The following DLG1 variants were observed in gnomAD, a reference collection of about 807,000 sequenced individuals.
DLG1 encodes the protein disks large homolog 1.
Under a neutral mutation model 123.4 loss-of-function variants are expected in DLG1, and 42 were observed. The ratio of observed to expected loss-of-function variants is 0.34; its 90% confidence interval spans 0.27 to 0.44. The LOEUF (loss-of-function observed/expected upper bound fraction) is 0.44, where lower values mean the gene tolerates loss of function less well. DLG1 is among the 20% of genes least tolerant of loss of function. DLG1 has a pLI of 1.00. For synonymous variants in DLG1, 317 were observed against 356.2 expected (o/e 0.89, Z 1.24); for missense variants, 942 against 1,082.6 (o/e 0.87, Z 1.82).
intron 14 of DLG1, among the ~76,000 whole-genome samples, chr3:197,094,934 T>C (rs1043601881): frequency 6.6e-6 from 1 of 152,186 alleles, no homozygotes; most frequent in Non-Finnish European, 1.5e-5. Flanking sequence ...ATCCTAATCA[T>C]TTTATTATGG....
At chr3:197,181,936 T>G (rs563595323) in intron 5 of DLG1, among the ~76,000 whole-genome samples, 1 of 152,310 alleles carries the variant, frequency 6.6e-6, no homozygotes, top group African/African-American at 2.4e-5. Context: ...ATGACTCTCT[T>G]CTGGCGCAAT....
In DLG1 at chr3:197,044,569, G is replaced by C. The variant is rs1439168464; in HGVS notation, c.*54C>G. The C allele has an allele frequency of 3.9e-6, 5 of 1,270,058 alleles. No individual in the cohort carries two copies. The highest frequency in any genetic ancestry group is 3.0e-5 in the African/African-American group (2 of 67,590). The allele number at this position is 1,270,058 out of a possible 1,614,324, so 78.7% of individuals were successfully genotyped here. A position where few individuals can be genotyped will look rare whatever the true frequency, so the allele number is the denominator to read the frequency against. On this transcript the variant is annotated 3_prime_UTR_variant, in exon 25 of 25. Transcript: ENST00000667157. ...GAAAGACTCCAGAGGAAAGGGCAAA[G>C]AGATGCCAAAGAAAATGGAATTGTG... is the stretch of plus-strand genomic sequence containing the variant.
At chr3:197,054,274 G>A (rs752792454) in intron 23 of DLG1, among the ~76,000 whole-genome samples, 20 of 152,002 alleles carry the variant, frequency 1.3e-4, no homozygotes, top group Non-Finnish European at 2.6e-4. Flanking sequence ...TTATATTCAC[G>A]TCTTTCATCA....
At chr3:197,140,753 G>A (rs1298956111) in intron 7 of DLG1, among the ~76,000 whole-genome samples, 2 of 152,170 alleles carry the variant, frequency 1.3e-5, no homozygotes, top group Non-Finnish European at 2.9e-5. Context: ...CTTGACATCA[G>A]CTTATTTTTA....
At chr3:197,073,895 T>G (rs182333115) in intron 18 of DLG1, among the ~76,000 whole-genome samples, 26 of 152,286 alleles carry the variant, frequency 1.7e-4, no homozygotes, top group Non-Finnish European at 2.9e-4. Flanking sequence ...GGGTTCTTTT[T>G]GAGTTTTGTT....
chr3:197,200,160 T>C (rs1724860403), intron 4 of DLG1, among the ~76,000 whole-genome samples: 2 of 152,162 alleles, frequency 1.3e-5, no homozygotes, highest in Admixed American at 1.3e-4. Flanking sequence ...TGCAGATTCC[T>C]GAATCTATTA....
chr3:197,139,619 T>C (rs1460832300), intron 8 of DLG1, among the ~76,000 whole-genome samples: 2 of 152,242 alleles, frequency 1.3e-5, no homozygotes, highest in African/African-American at 2.4e-5. Context: ...TATTTTCATC[T>C]AGTCAATAAG....
At chr3:197,251,803 C>T (rs537930180) in intron 4 of DLG1, among the ~76,000 whole-genome samples, 2 of 152,218 alleles carry the variant, frequency 1.3e-5, no homozygotes, top group East Asian at 3.9e-4. Flanking sequence ...ATATTAAGAG[C>T]TTAAACAACT....
At chr3:197,251,635 C>T (rs1313000555) in intron 4 of DLG1, among the ~76,000 whole-genome samples, 1 of 151,894 alleles carries the variant, frequency 6.6e-6, no homozygotes, top group Non-Finnish European at 1.5e-5. Context: ...ACCTCAAAAC[C>T]ACAGGCAACC....
chr3:197,101,011 G>A (rs1430855681), intron 14 of DLG1, among the ~76,000 whole-genome samples: 1 of 151,992 alleles, frequency 6.6e-6, no homozygotes, highest in Non-Finnish European at 1.5e-5. Context: ...AGGTGTACAA[G>A]CTTTTAACTT....
chr3:197,147,466 ACAC>A (rs953146662), intron 6 of DLG1, among the ~76,000 whole-genome samples: 23 of 132,520 alleles, frequency 1.7e-4, no homozygotes, highest in African/African-American at 4.5e-4. Context: ...ACACACACAC[ACAC>A]ACCATGGAAT....
At chr3:197,061,770 A>G (rs1736005355) in intron 22 of DLG1, among the ~76,000 whole-genome samples, 1 of 152,022 alleles carries the variant, frequency 6.6e-6, no homozygotes, top group African/African-American at 2.4e-5. Context: ...CTGGGAGGCG[A>G]TATTATATCT....
intron 19 of DLG1, chr3:197,068,440 C>A: frequency 9.3e-7 from 1 of 1,072,940 alleles, no homozygotes; most frequent in Non-Finnish European, 1.4e-6. Flanking sequence ...AAATGAATGA[C>A]GGTTAAAAGT....
intron 15 of DLG1, among the ~76,000 whole-genome samples, chr3:197,086,890 T>C: frequency 6.6e-6 from 1 of 152,204 alleles, no homozygotes; most frequent in East Asian, 1.9e-4. Context: ...TAAAAATTCA[T>C]CTTTTGAATC....
At chr3:197,235,149 G>C (rs886448048) in intron 4 of DLG1, among the ~76,000 whole-genome samples, 2 of 152,076 alleles carry the variant, frequency 1.3e-5, no homozygotes, top group Admixed American at 6.6e-5. Context: ...TGAGCTCTAC[G>C]ATCTTCCTGG....
At chr3:197,135,203 T>G (rs1287796916) in intron 10 of DLG1, among the ~76,000 whole-genome samples, 1 of 152,228 alleles carries the variant, frequency 6.6e-6, no homozygotes, top group African/African-American at 2.4e-5. Context: ...TCCGTTTCCC[T>G]AAGGAACATG....
At chr3:197,122,722 A>G (rs935486523) in intron 11 of DLG1, among the ~76,000 whole-genome samples, 2 of 152,150 alleles carry the variant, frequency 1.3e-5, no homozygotes, top group African/African-American at 4.8e-5. Flanking sequence ...AATCTAACAT[A>G]TAAAACCTCT....
intron 4 of DLG1, among the ~76,000 whole-genome samples, chr3:197,251,928 C>A (rs950638530): frequency 6.6e-5 from 10 of 152,212 alleles, no homozygotes; most frequent in African/African-American, 2.4e-4. Flanking sequence ...ATGCCCAGTA[C>A]ATGGTAAGAT....
intron 23 of DLG1, among the ~76,000 whole-genome samples, chr3:197,059,194 G>A (rs1423269777): frequency 6.6e-6 from 1 of 152,146 alleles, no homozygotes; most frequent in Non-Finnish European, 1.5e-5. Flanking sequence ...CAAAGTGGTG[G>A]GATTACAGAC....
Sources: gnomAD v4.1 joint callset for allele counts (sites outside exome capture counted in the v4.1 genomes callset) on GRCh38, gnomAD v4.1.1 for gene constraint, MANE v1.5 for transcripts, NCBI Gene and HGNC (gene_info 2026-07-23, HGNC 2026-07-21) for gene names.